Variants in JAG1 observed in about 807,000 individuals in gnomAD.
JAG1 encodes jagged canonical Notch ligand 1, also known as protein jagged-1.
A neutral mutation model predicts 148.7 loss-of-function variants in JAG1; 23 were observed. That is an observed-to-expected ratio of 0.15 (90% CI 0.11 to 0.22). The LOEUF (loss-of-function observed/expected upper bound fraction) is 0.22, where lower values mean the gene tolerates loss of function less well. JAG1 is among the 10% of genes least tolerant of loss of function. The pLI, the probability that JAG1 is intolerant of heterozygous loss-of-function variation, is 1.00. For synonymous variants in JAG1, 572 were observed against 598.3 expected (o/e 0.96, Z 0.64); for missense variants, 1,054 against 1,611.2 (o/e 0.65, Z 5.92).
intron 14 of JAG1, among the ~76,000 whole-genome samples, chr20:10,646,591 T>A: frequency 6.6e-6 from 1 of 151,222 alleles, no homozygotes; most frequent in Non-Finnish European, 1.5e-5. Context: ...GGGGGGTGGA[T>A]CATCTGAGGC....
intron 8 of JAG1, 51 bp downstream of exon 8, chr20:10,651,530 A>G (rs917753340): frequency 2.6e-5 from 32 of 1,250,298 alleles, no homozygotes; most frequent in Non-Finnish European, 3.3e-5. Flanking sequence ...CCAGCGTGGT[A>G]TCTTGGCACA....
chr20:10,662,672 A>T (rs1600190990), intron 3 of JAG1, among the ~76,000 whole-genome samples: 2 of 152,022 alleles, frequency 1.3e-5, no homozygotes, highest in South Asian at 4.1e-4. Context: ...GGGAGGGGAG[A>T]ACAAACAGGT....
At chr20:10,657,803 C>A (rs559603438) in intron 4 of JAG1, among the ~76,000 whole-genome samples, 2 of 152,294 alleles carry the variant, frequency 1.3e-5, no homozygotes, top group East Asian at 3.9e-4. Context: ...AACCACATAC[C>A]TCTCCCCATC....
chr20:10,656,264 GTCTA>G (rs2067378298), intron 5 of JAG1, 130 bp downstream of exon 5: 2 of 711,312 alleles, frequency 2.8e-6, no homozygotes, highest in Non-Finnish European at 5.0e-6. Context: ...CTTCGGATGT[GTCTA>G]TCTGAATTTT....
At chr20:10,648,419 C>T in intron 12 of JAG1, 130 bp downstream of exon 12, 1 of 814,582 alleles carries the variant, frequency 1.2e-6, no homozygotes, top group Non-Finnish European at 2.1e-6. Flanking sequence ...CAGAGACTCT[C>T]TCATCAATAG....
chr20:10,650,341 A>C lies in JAG1; in HGVS notation c.1140T>G (p.Pro380=). The C allele has an allele frequency of 6.2e-7, 1 of 1,609,652 alleles. No homozygotes were observed. Among genetic ancestry groups the C allele is most frequent in the African/African-American group, 1.3e-5 (1 of 74,992 alleles). The change falls in exon 9 of 26, where the codon CCT becomes CCG. Residue 380 remains proline, a synonymous_variant. Coordinates refer to ENST00000254958, the MANE Select transcript of JAG1 (RefSeq NM_000214.3). Reference sequence around the variant, plus strand: ...AGGTGCCCCCGTGGGAACAGTTATTAGGAGAACAGTCATCAATGTCTGGTC... The same window carrying C: ...AGGTGCCCCCGTGGGAACAGTTATTCGGAGAACAGTCATCAATGTCTGGTC... ...TCSTNIDDCS[P]NNCSHGGTCQ...
Position 10,639,588 on chromosome 20 carries a change from C to A in JAG1, c.3567G>T (p.Thr1189=), listed in dbSNP as rs373846021. Residue 1189 remains threonine, a synonymous_variant, in exon 26 of 26, where the codon ACG becomes ACT. Coordinates refer to ENST00000254958, the MANE Select transcript of JAG1 (RefSeq NM_000214.3). ...VDREEKPPNG[T]PTKHPNWTNK... ...TTGTCCAGTTTGGGTGTTTTGTCGGCGTGCCGTTGGGGGGCTTCTCTTCTC... is the reference window on the plus strand; with the variant it reads ...TTGTCCAGTTTGGGTGTTTTGTCGGAGTGCCGTTGGGGGGCTTCTCTTCTC... 4.3e-6 allele frequency: 7 copies of A among 1,614,184 alleles called. No homozygotes were observed. The highest frequency in any genetic ancestry group is 5.1e-6 in the Non-Finnish European group (6 of 1,180,022).
chr20:10,649,967 C>T (rs1200065481), intron 9 of JAG1, among the ~76,000 whole-genome samples: 2 of 152,198 alleles, frequency 1.3e-5, no homozygotes, highest in East Asian at 3.8e-4. Context: ...CAGCTCATTC[C>T]TCATGAGATC....
chr20:10,647,148 A>AT, intron 13 of JAG1, 45 bp from the exon 14 acceptor site: 1 of 1,612,156 alleles, frequency 6.2e-7, no homozygotes, highest in South Asian at 1.1e-5. Context: ...GCACCCACAG[A>AT]TGCGGCATTC....
intron 12 of JAG1, 69 bp from the exon 13 acceptor site, chr20:10,648,179 C>T (rs1026526089): frequency 2.5e-6 from 4 of 1,581,628 alleles, no homozygotes; most frequent in Middle Eastern, 1.7e-4. Context: ...GATAACTTCT[C>T]TGGGGCAGCA....
chr20:10,644,691 G>A (rs1266991736), intron 18 of JAG1, 172 bp downstream of exon 18: 9 of 675,354 alleles, frequency 1.3e-5, no homozygotes, highest in Admixed American at 1.1e-4. Flanking sequence ...TCTTATTGGC[G>A]ACTTTCTCAT....
At chr20:10,647,217 G>A (rs1443208909) in intron 13 of JAG1, 114 bp from the exon 14 acceptor site, 23 of 1,233,954 alleles carry the variant, frequency 1.9e-5, no homozygotes, top group Non-Finnish European at 2.6e-5. Flanking sequence ...TCTGGCTAAT[G>A]AGACACACCC....
intron 25 of JAG1, 50 bp downstream of exon 25, chr20:10,640,730 TATA>T (rs1050908907): frequency 1.3e-6 from 2 of 1,575,398 alleles, no homozygotes; most frequent in African/African-American, 2.7e-5. Context: ...TATTGAATAG[TATA>T]ATGAGATCAT....
Position 10,647,238 on chromosome 20 carries a change from A to G in JAG1, c.1721-135T>C, listed in dbSNP as rs1247578768. The stretch of plus-strand genomic sequence containing the variant: ...TAATGAGACACACCCCAGGGAAGCC[A>G]AGATACTGGCAACGTGCCACATCAC... On this transcript the variant is annotated intron_variant, in intron 13 of 25. Transcript: ENST00000254958. 6.9e-5 allele frequency: 66 copies of G among 961,160 alleles called. No individual in the cohort carries two copies. The East Asian group carries it at 1.7e-3, about 24-fold the overall frequency. The allele number at this position is 961,160 out of a possible 1,614,324, so 59.5% of individuals were successfully genotyped here. A position where few individuals can be genotyped will look rare whatever the true frequency, so the allele number is the denominator to read the frequency against.
At chr20:10,660,774 C>A (rs2067411380) in intron 3 of JAG1, among the ~76,000 whole-genome samples, 1 of 152,172 alleles carries the variant, frequency 6.6e-6, no homozygotes, top group African/African-American at 2.4e-5. Context: ...CAGCTTGGGG[C>A]ACTGGAAAGG....
intron 12 of JAG1, among the ~76,000 whole-genome samples, 173 bp downstream of exon 12, chr20:10,648,376 C>T (rs752427779): frequency 6.6e-6 from 1 of 152,142 alleles, no homozygotes; most frequent in Admixed American, 6.5e-5. Flanking sequence ...GAAAATAATT[C>T]GTCAGTATCT....
At chr20:10,649,226 C>T (rs1016604745) in intron 10 of JAG1, 119 bp from the exon 11 acceptor site, 6 of 760,820 alleles carry the variant, frequency 7.9e-6, no homozygotes, top group African/African-American at 1.8e-5. Flanking sequence ...GTGTGCTTTC[C>T]GTGAGATAAG....
rs1254776047 is a variant in JAG1, at chr20:10,672,947, C to T, written c.141G>A (p.Gly47=). The change falls in exon 2 of 26, where the codon GGG becomes GGA. Residue 47 remains glycine, a synonymous_variant. Transcript: ENST00000254958. Reference sequence around the variant, plus strand: ...CGCAGCAGTTCCCGTTCTGCAGCTCCCCGTTCACGTTCTGCATGGACAGGA... The same window carrying T: ...CGCAGCAGTTCCCGTTCTGCAGCTCTCCGTTCACGTTCTGCATGGACAGGA... ...LEILSMQNVN[G]ELQNGNCCGG... is the part of the protein sequence containing the mutation. The T allele has an allele frequency of 1.9e-6, 3 of 1,613,040 alleles. No homozygotes were observed. Among genetic ancestry groups the T allele is most frequent in the East Asian group, 2.2e-5 (1 of 44,872 alleles).
Position 10,645,861 on chromosome 20 carries a change from G to A in JAG1, c.1999+110C>T, listed in dbSNP as rs1037291237. On this transcript the variant is annotated intron_variant, in intron 15 of 25. Coordinates refer to ENST00000254958, the MANE Select transcript of JAG1 (RefSeq NM_000214.3). This position sits in a 1 kb window ranked among gnomAD's most constrained non-coding sequence, Gnocchi z 6.1. ...ACTGTCCCAGTGCAGAAATCACTGC[G>A]GTCTTGCTTCCAGAGATTTCCAGTA... is the stretch of plus-strand genomic sequence containing the variant. The A allele has an allele frequency of 2.0e-5, 16 of 811,204 alleles. No individual in the cohort carries two copies. The Middle Eastern group carries it at 1.0e-3, about 51-fold the overall frequency. The allele number at this position is 811,204 out of a possible 1,614,324, so 50.3% of individuals were successfully genotyped here. A position where few individuals can be genotyped will look rare whatever the true frequency, so the allele number is the denominator to read the frequency against.
Sources: gnomAD v4.1 joint callset for allele counts (sites outside exome capture counted in the v4.1 genomes callset) on GRCh38, gnomAD v4.1.1 for gene constraint, Gnocchi (gnomAD v3.1) non-coding constraint, MANE v1.5 for transcripts, NCBI Gene and HGNC (gene_info 2026-07-23, HGNC 2026-07-21) for gene names.